Variants in HBS1L observed in about 807,000 individuals in gnomAD.
HBS1L encodes the protein HBS1 like translational GTPase, also known as HBS1-like protein.
Under a neutral mutation model 88.9 loss-of-function variants are expected in HBS1L, and 55 were observed. The ratio of observed to expected loss-of-function variants is 0.62; its 90% confidence interval spans 0.50 to 0.77. The LOEUF is 0.77. Among genes scored for constraint, HBS1L ranks in the 30% least tolerant of loss-of-function variants. The pLI, the probability that HBS1L is intolerant of heterozygous loss-of-function variation, is 0.00. For missense variants in HBS1L, 741 were observed against 829.3 expected (o/e 0.89, Z 1.31); for synonymous variants, 267 against 288.5 (o/e 0.93, Z 0.76).
At chr6:135,037,178 C>T (rs1410197279) in intron 4 of HBS1L, 17 of 1,551,486 alleles carry the variant, frequency 1.1e-5, no homozygotes, top group Middle Eastern at 3.3e-4. Context: ...TCTGATATTC[C>T]GGGTGAAGAC....
chr6:134,988,444 CA>C (rs35138728), intron 8 of HBS1L, among the ~76,000 whole-genome samples: 21,929 of 119,182 alleles, frequency 0.18, 4,920 homozygotes, highest in African/African-American at 0.53. Context: ...GAATCTTTAC[CA>C]AAAAAAAAAA....
chr6:135,002,004 T>C (rs899779994), intron 5 of HBS1L, among the ~76,000 whole-genome samples: 5 of 151,872 alleles, frequency 3.3e-5, no homozygotes, highest in African/African-American at 9.7e-5. Context: ...TAAAAACCTA[T>C]TGTTTATATT....
In HBS1L at chr6:134,960,815, A is replaced by G. The variant is rs1774169183; in HGVS notation, c.*4464T>C. 6.6e-6 allele frequency: 1 copy of G among 152,178 alleles called. No homozygotes were observed. The allele number at this position is 152,178 out of a possible 1,614,324, so 9.4% of individuals were successfully genotyped here. On this transcript the variant is annotated 3_prime_UTR_variant, in exon 18 of 18. Transcript: ENST00000367837. ...AATTATAGATATGTCATGTTAAATGAGTATATGAAAATTGCTTGGCACATG... is the reference window on the plus strand; with the variant it reads ...AATTATAGATATGTCATGTTAAATGGGTATATGAAAATTGCTTGGCACATG...
At chr6:134,991,034 GA>G (rs367791186) in intron 8 of HBS1L, among the ~76,000 whole-genome samples, 28 of 133,942 alleles carry the variant, frequency 2.1e-4, no homozygotes, top group South Asian at 4.8e-4. Context: ...AGTAATCAAT[GA>G]AAAAAAAAAA....
At chr6:135,009,534 TA>T (rs949187573) in intron 4 of HBS1L, among the ~76,000 whole-genome samples, 1 of 152,098 alleles carries the variant, frequency 6.6e-6, no homozygotes, top group African/African-American at 2.4e-5. Context: ...ATATAAAGTT[TA>T]AAAAAATGGC....
At chr6:135,054,524 T>C in intron 1 of HBS1L, 125 bp downstream of exon 1, 3 of 1,088,344 alleles carry the variant, frequency 2.8e-6, no homozygotes, top group Admixed American at 2.1e-5. Flanking sequence ...ATTCCCCAAC[T>C]GGGGCTCTCC....
chr6:135,045,838 C>A (rs1374173487), intron 2 of HBS1L, among the ~76,000 whole-genome samples: 24 of 143,080 alleles, frequency 1.7e-4, no homozygotes, highest in African/African-American at 1.6e-4. Flanking sequence ...GACTCCGTCT[C>A]AAAAAAAAAA....
chr6:135,049,951 A>T (rs764338607), intron 2 of HBS1L, among the ~76,000 whole-genome samples: 1 of 152,242 alleles, frequency 6.6e-6, no homozygotes, highest in South Asian at 2.1e-4. Flanking sequence ...GTAGTGTTAG[A>T]GAAATAAGTG....
rs748218269 is a variant in HBS1L at position 135,054,669 on chromosome 6, C to G, written c.23G>C (p.Arg8Pro). Residue 8 changes from arginine (R) to proline (P), a missense_variant, in exon 1 of 18, where the codon CGA becomes CCA. By Grantham distance (103) the Arg-to-Pro change is moderately radical (BLOSUM62 -2). Coordinates refer to ENST00000367837, the MANE Select transcript of HBS1L (RefSeq NM_006620.4). ...CCTACCTTCATCGTAGTTATAGCCT[C>G]GAACATTCCGATGCCGGGCCATGAC... MARHRNV[R>P]GYNYDEDFED... The G allele has an allele frequency of 6.2e-7, 1 of 1,614,284 alleles. No individual in the cohort carries two copies. The highest frequency in any genetic ancestry group is 1.1e-5 in the South Asian group (1 of 91,090).
chr6:135,013,494 G>C (rs574132382), intron 4 of HBS1L, among the ~76,000 whole-genome samples: 8 of 152,332 alleles, frequency 5.3e-5, no homozygotes, highest in African/African-American at 1.9e-4. Context: ...TTAGAACCAT[G>C]TCTAATATTT....
At chr6:135,050,555 G>A (rs1200126145) in intron 2 of HBS1L, 27 bp downstream of exon 2, 2 of 1,466,226 alleles carry the variant, frequency 1.4e-6, no homozygotes, top group Non-Finnish European at 1.9e-6. Flanking sequence ...CCAAATCTAA[G>A]GAATCAAATT....
At chr6:134,973,214 T>C (rs1774541762) in intron 15 of HBS1L, among the ~76,000 whole-genome samples, 1 of 152,146 alleles carries the variant, frequency 6.6e-6, no homozygotes, top group Non-Finnish European at 1.5e-5. Context: ...AACAGATAAA[T>C]GGATTTTTAA....
intron 2 of HBS1L, among the ~76,000 whole-genome samples, chr6:135,046,134 G>A (rs1057415068): frequency 2.6e-5 from 4 of 152,130 alleles, no homozygotes; most frequent in Admixed American, 6.5e-5. Flanking sequence ...CTCACTCAGA[G>A]GCCATTGCTT....
intron 4 of HBS1L, chr6:135,037,679 C>A (rs769389460): frequency 6.4e-6 from 10 of 1,550,532 alleles, no homozygotes; most frequent in African/African-American, 1.4e-5. Context: ...AACAAATCGG[C>A]ATCTAGGTTC....
intron 4 of HBS1L, among the ~76,000 whole-genome samples, chr6:135,021,909 C>A (rs1361434719): frequency 6.6e-6 from 1 of 152,072 alleles, no homozygotes; most frequent in Non-Finnish European, 1.5e-5. Flanking sequence ...CCTTCCTATC[C>A]CCCCTTGAGA....
chr6:134,979,393 G>T, intron 13 of HBS1L, 125 bp from the exon 14 acceptor site: 1 of 688,472 alleles, frequency 1.5e-6, no homozygotes, highest in Non-Finnish European at 2.6e-6. Context: ...TGAATGGATT[G>T]AGAGTAAGAA....
At chr6:135,031,043 T>C (rs1318376805) in intron 4 of HBS1L, among the ~76,000 whole-genome samples, 2 of 152,090 alleles carry the variant, frequency 1.3e-5, no homozygotes, top group Non-Finnish European at 2.9e-5. Flanking sequence ...GTACTTTTTG[T>C]TGGTAATTTT....
rs1334292664 is a variant in HBS1L, at chr6:134,978,810, G to C, written c.1689-23C>G. 8 of 1,458,508 alleles carry C rather than the reference G, an allele frequency of 5.5e-6. No individual in the cohort carries two copies. In the East Asian group the frequency reaches 1.8e-4, roughly 33 times the overall value. The allele number at this position is 1,458,508 out of a possible 1,614,324, so 90.3% of individuals were successfully genotyped here. Reference sequence around the variant, plus strand: ...ACACTGTAAGAACAACAAAAAAAGAGGAAAGGTAATTGGGGGACAAATTTA... The same window carrying C: ...ACACTGTAAGAACAACAAAAAAAGACGAAAGGTAATTGGGGGACAAATTTA... On this transcript the variant is annotated intron_variant, in intron 14 of 17. Coordinates refer to ENST00000367837, the MANE Select transcript of HBS1L (RefSeq NM_006620.4).
At chr6:135,003,388 T>C (rs1388173931) in intron 4 of HBS1L, among the ~76,000 whole-genome samples, 2 of 151,846 alleles carry the variant, frequency 1.3e-5, no homozygotes, top group Non-Finnish European at 2.9e-5. Context: ...GAGGTTAATG[T>C]AGAAAAACTG....
Sources: gnomAD v4.1 joint callset for allele counts (sites outside exome capture counted in the v4.1 genomes callset) on GRCh38, gnomAD v4.1.1 for gene constraint, MANE v1.5 for transcripts, NCBI Gene and HGNC (gene_info 2026-07-23, HGNC 2026-07-21) for gene names.